PCDH9: variants seen among roughly 807,000 people sequenced by gnomAD.
PCDH9 encodes protocadherin 9, also known as protocadherin-9.
A neutral mutation model predicts 70.6 loss-of-function variants in PCDH9; 24 were observed. That is an observed-to-expected ratio of 0.34 (90% CI 0.25 to 0.48). PCDH9 has a LOEUF of 0.48. Among genes scored for constraint, PCDH9 ranks in the 20% least tolerant of loss-of-function variants. The probability of loss-of-function intolerance (pLI) is 0.99; values close to 1 mark genes in which losing one functional copy is unlikely to be tolerated. For missense variants in PCDH9, 1,281 were observed against 1,503.6 expected (o/e 0.85, Z 2.45); for synonymous variants, 562 against 558.5 (o/e 1.01, Z -0.09).
intron 3 of PCDH9, among the ~76,000 whole-genome samples, chr13:66,838,871 G>C (rs2081068783): frequency 1.3e-5 from 2 of 151,802 alleles, no homozygotes; most frequent in South Asian, 2.1e-4. Flanking sequence ...AGGGAGAAAC[G>C]ATCACTTTAA....
chr13:66,591,582 A>G (rs2077040325), intron 4 of PCDH9, among the ~76,000 whole-genome samples: 1 of 151,680 alleles, frequency 6.6e-6, no homozygotes, highest in Non-Finnish European at 1.5e-5. Context: ...TTAGCATGTA[A>G]CAAGTAATGA....
chr13:66,690,307 T>C (rs993282452), intron 3 of PCDH9, among the ~76,000 whole-genome samples: 1 of 152,088 alleles, frequency 6.6e-6, no homozygotes, highest in Admixed American at 6.6e-5. Flanking sequence ...TATAGGCAAA[T>C]ATAGAATTGT....
At chr13:66,979,643 T>C (rs1362609297) in intron 2 of PCDH9, among the ~76,000 whole-genome samples, 1 of 151,660 alleles carries the variant, frequency 6.6e-6, no homozygotes, top group African/African-American at 2.4e-5. Flanking sequence ...TCAAGATCTC[T>C]ACTTTCTCTT....
chr13:67,099,905 A>T (rs542367107), intron 2 of PCDH9, among the ~76,000 whole-genome samples: 2 of 152,318 alleles, frequency 1.3e-5, no homozygotes, highest in South Asian at 4.1e-4. Context: ...TAAAAGAGAC[A>T]ATGAAATATA....
At chr13:66,867,368 G>C (rs1012552030) in intron 3 of PCDH9, among the ~76,000 whole-genome samples, 27 of 151,890 alleles carry the variant, frequency 1.8e-4, no homozygotes, top group Non-Finnish European at 2.9e-5. Flanking sequence ...ATGATATTTG[G>C]GTATCTAAAT....
At chr13:66,624,893 G>A (rs896874289) in intron 4 of PCDH9, among the ~76,000 whole-genome samples, 9 of 152,100 alleles carry the variant, frequency 5.9e-5, no homozygotes, top group Middle Eastern at 3.2e-3. Flanking sequence ...TATTGATTCC[G>A]AGTTTTATAC....
In PCDH9 at chr13:67,227,599, A is replaced by G. The variant is rs1219479957; in HGVS notation, c.842T>C (p.Ile281Thr). 1 of 1,614,082 alleles carries G rather than the reference A, an allele frequency of 6.2e-7. No individual in the cohort carries two copies. Among genetic ancestry groups the G allele is most frequent in the East Asian group, 2.2e-5 (1 of 44,878 alleles). The change falls in exon 2 of 5, where the codon ATA becomes ACA. Residue 281 changes from isoleucine (I) to threonine (T), a missense_variant. This residue lies in a region of PCDH9 where 798 missense variants were observed against 1,003.1 expected (regional missense o/e 0.80). Transcript: ENST00000377865. The surrounding 1 kb of genome is among the most constrained non-coding windows in gnomAD (Gnocchi z 4.6). The part of the protein sequence containing the change: ...VIQLHATDAD[I>T]GSNAEIRYIF... ...GTACCGGATTTCAGCATTACTGCCT[A>G]TATCTGCATCAGTGGCATGGAGCTG... is the stretch of plus-strand genomic sequence containing the variant.
chr13:67,027,889 G>A (rs976862222), intron 2 of PCDH9, among the ~76,000 whole-genome samples: 2 of 151,758 alleles, frequency 1.3e-5, no homozygotes, highest in South Asian at 2.1e-4. Flanking sequence ...ATACCAGTTA[G>A]AATGGCAATC....
At chr13:66,903,792 C>A (rs1264316622) in intron 2 of PCDH9, among the ~76,000 whole-genome samples, 187 bp from the exon 3 acceptor site, 1 of 151,862 alleles carries the variant, frequency 6.6e-6, no homozygotes, top group Non-Finnish European at 1.5e-5. Flanking sequence ...CCAGGATAAA[C>A]AAATTGTTAA....
chr13:67,108,790 C>T (rs1277954347), intron 2 of PCDH9, among the ~76,000 whole-genome samples: 2 of 152,100 alleles, frequency 1.3e-5, no homozygotes, highest in Non-Finnish European at 2.9e-5. Context: ...TTTGAATAAG[C>T]ATACATTAAT....
At chr13:66,625,459 A>G (rs1394987423) in intron 4 of PCDH9, among the ~76,000 whole-genome samples, 1 of 152,202 alleles carries the variant, frequency 6.6e-6, no homozygotes. Context: ...TTGGCAAAAA[A>G]GAAATAATCT....
intron 4 of PCDH9, among the ~76,000 whole-genome samples, chr13:66,573,925 T>G (rs2076774413): frequency 6.6e-6 from 1 of 152,188 alleles, no homozygotes. Context: ...TACCAATATT[T>G]TCCAGCTTTA....
At chr13:67,146,842 T>C (rs1207174873) in intron 2 of PCDH9, among the ~76,000 whole-genome samples, 1 of 152,212 alleles carries the variant, frequency 6.6e-6, no homozygotes, top group Middle Eastern at 3.2e-3. Context: ...TGTTTTATTT[T>C]TTTCTGAACA....
intron 4 of PCDH9, among the ~76,000 whole-genome samples, chr13:66,354,323 C>G (rs1267220456): frequency 6.6e-6 from 1 of 152,118 alleles, no homozygotes; most frequent in African/African-American, 2.4e-5. Context: ...GTATTTCACA[C>G]TATACCAATC....
chr13:66,357,743 C>T (rs958735503), intron 4 of PCDH9, among the ~76,000 whole-genome samples: 1 of 151,982 alleles, frequency 6.6e-6, no homozygotes, highest in Non-Finnish European at 1.5e-5. Flanking sequence ...CAAGGATATG[C>T]CTTGATTAAA....
chr13:66,709,730 G>T (rs1048045896), intron 3 of PCDH9, among the ~76,000 whole-genome samples: 8 of 152,076 alleles, frequency 5.3e-5, no homozygotes, highest in Non-Finnish European at 2.9e-5. Context: ...AAAATCATTG[G>T]CAATGAATAA....
intron 3 of PCDH9, among the ~76,000 whole-genome samples, chr13:66,702,736 C>T (rs9540871): frequency 0.2 from 30,444 of 152,012 alleles, 3,295 homozygotes; most frequent in Middle Eastern, 0.31. Context: ...GTATATGTCA[C>T]TAAAGCTAGA....
At chr13:67,136,436 C>T (rs1244618765) in intron 2 of PCDH9, among the ~76,000 whole-genome samples, 1 of 152,160 alleles carries the variant, frequency 6.6e-6, no homozygotes, top group South Asian at 2.1e-4. Flanking sequence ...GTGCCTGTTT[C>T]TCTTCATGTG....
At chr13:67,213,516 T>A (rs1027973550) in intron 2 of PCDH9, 1 of 152,092 alleles carries the variant, frequency 6.6e-6, no homozygotes, top group African/African-American at 2.4e-5. Context: ...AAACATGTAC[T>A]ATATGCCATG....
Sources: allele counts gnomAD v4.1 joint callset (sites outside exome capture counted in the v4.1 genomes callset), GRCh38; gene constraint gnomAD v4.1.1; regional missense constraint gnomAD v4.1.1; non-coding constraint Gnocchi (gnomAD v3.1); transcripts MANE v1.5; gene names NCBI Gene and HGNC (gene_info 2026-07-23, HGNC 2026-07-21).